FBN1: variants seen among roughly 807,000 people sequenced by gnomAD.
FBN1 encodes fibrillin 1.
In FBN1, 29 loss-of-function variants were observed where a neutral mutation model predicts 365.1. That is an observed-to-expected ratio of 0.08 (90% CI 0.06 to 0.11). The LOEUF is 0.11. Among genes scored for constraint, FBN1 ranks in the 10% least tolerant of loss-of-function variants. The probability of loss-of-function intolerance (pLI) is 1.00; values close to 1 mark genes in which losing one functional copy is unlikely to be tolerated. For missense variants in FBN1, 2,476 were observed against 3,703.2 expected, an observed-to-expected ratio of 0.67 and a Z score of 8.60; for synonymous variants, 1,210 against 1,270.5, an observed-to-expected ratio of 0.95 and a Z score of 1.01.
At chr15:48,430,214 A>C (rs1245994750) in intron 56 of FBN1, among the ~76,000 whole-genome samples, 1 of 152,218 alleles carries the variant, frequency 6.6e-6, no homozygotes, top group Non-Finnish European at 1.5e-5. Flanking sequence ...CTTTAAAAAA[A>C]TATCAGTGCC....
At chr15:48,481,515 C>T in intron 32 of FBN1, 140 bp downstream of exon 32, 1 of 967,962 alleles carries the variant, frequency 1.0e-6, no homozygotes, top group Non-Finnish European at 1.5e-6. Context: ...GAAGTGGAAG[C>T]TAAATTAATG....
At chr15:48,533,489 T>C (rs1566921452) in intron 8 of FBN1, among the ~76,000 whole-genome samples, 1 of 152,208 alleles carries the variant, frequency 6.6e-6, no homozygotes, top group Non-Finnish European at 1.5e-5. Flanking sequence ...TCTGTATATA[T>C]ATTTGTAGAA....
Position 48,470,740 on chromosome 15 carries a change from G to A in FBN1, c.4353C>T (p.Ser1451=). The A allele has an allele frequency of 6.2e-7, 1 of 1,613,976 alleles. No individual in the cohort carries two copies. Among genetic ancestry groups the A allele is most frequent in the Admixed American group, 1.7e-5 (1 of 60,004 alleles). Residue 1451 remains serine, a synonymous_variant, in exon 36 of 66, where the codon TCC becomes TCT. Transcript: ENST00000316623. ...TTCCAAAGACACAGATGTTCGGAAG[G>A]GAGCACTCATCAATATCTTGGGGGG... The part of the protein sequence containing the change: ...GKACEDIDEC[S]LPNICVFGTC...
chr15:48,520,833 C>T lies in FBN1; in HGVS notation c.989-16G>A, dbSNP rs1304235003. The T allele has an allele frequency of 6.2e-7, 1 of 1,614,072 alleles. No individual in the cohort carries two copies. Among genetic ancestry groups the T allele is most frequent in the Admixed American group, 1.7e-5 (1 of 60,030 alleles). On this transcript the variant is annotated splice_polypyrimidine_tract_variant and intron_variant, in intron 9 of 65. Coordinates refer to ENST00000316623, the MANE Select transcript of FBN1 (RefSeq NM_000138.5). ...GGGCGAACATCTGAGGACAAAGAAA[C>T]ACATACACACACACACATCGCTGAG...
chr15:48,428,412 G>A lies in FBN1; in HGVS notation c.6931C>T (p.Arg2311Cys). The part of the protein sequence containing the change: ...ICENGRCLNT[R>C]GSYTCECNDG... Reference sequence around the variant, plus strand: ...TTACACTCACAGGTGTAGCTCCCACGGGTGTTGAGGCAGCGCCCATTCTCA... The same window carrying A: ...TTACACTCACAGGTGTAGCTCCCACAGGTGTTGAGGCAGCGCCCATTCTCA... The change falls in exon 57 of 66, where the codon CGT becomes TGT. Residue 2311 changes from arginine (R) to cysteine (C), a missense_variant. Physicochemically the swap from Arg to Cys is radical, Grantham distance 180 (BLOSUM62 -3). Coordinates refer to ENST00000316623, the MANE Select transcript of FBN1 (RefSeq NM_000138.5). 1 of 1,613,978 alleles carries A rather than the reference G, an allele frequency of 6.2e-7. No individual in the cohort carries two copies. The highest frequency in any genetic ancestry group is 8.5e-7 in the Non-Finnish European group (1 of 1,179,952).
intron 6 of FBN1, among the ~76,000 whole-genome samples, chr15:48,552,317 A>G (rs2044149269): frequency 6.9e-6 from 1 of 144,782 alleles, no homozygotes; most frequent in Admixed American, 7.1e-5. Context: ...GTGTCGCCCT[A>G]GCTAGAGTTC....
intron 15 of FBN1, 54 bp downstream of exon 15, chr15:48,508,528 T>C: frequency 6.2e-7 from 1 of 1,611,798 alleles, no homozygotes; most frequent in East Asian, 2.2e-5. Context: ...CTAAACAACA[T>C]AAGGAGGAGA....
chr15:48,581,479 A>G (rs2044391870), intron 6 of FBN1, among the ~76,000 whole-genome samples: 1 of 152,008 alleles, frequency 6.6e-6, no homozygotes, highest in African/African-American at 2.4e-5. Flanking sequence ...GTGTTCTCAG[A>G]CTCCTTCAGG....
intron 6 of FBN1, among the ~76,000 whole-genome samples, chr15:48,574,559 C>T (rs565704509): frequency 6.6e-6 from 1 of 151,362 alleles, no homozygotes; most frequent in South Asian, 2.1e-4. Flanking sequence ...CTCTTACTTG[C>T]CCATTCAAAA....
At chr15:48,623,896 G>A (rs544673587) in intron 2 of FBN1, among the ~76,000 whole-genome samples, 14 of 151,804 alleles carry the variant, frequency 9.2e-5, no homozygotes, top group African/African-American at 3.4e-4. Flanking sequence ...CCCCCTTCAA[G>A]GGCATGTACA....
At position 48,494,211 on chromosome 15, in the gene FBN1, T is replaced by C. The variant is rs781062880; in HGVS notation, c.2721A>G (p.Gln907=). ...GKGYSRIKGT[Q]CEDIDECEVF... The stretch of plus-strand genomic sequence containing the variant: ...ATAAGTAATCAGAAATACCTTCACA[T>C]TGTGTTCCTTTAATTCTTGAGTACC... The change falls in exon 23 of 66, where the codon CAA becomes CAG. Residue 907 remains glutamine, a synonymous_variant. Transcript: ENST00000316623. 8 of 1,611,982 alleles carry C rather than the reference T, an allele frequency of 5.0e-6. No homozygotes were observed. In the Admixed American group the frequency reaches 8.3e-5, roughly 17 times the overall value.
At position 48,410,903 on chromosome 15, in the gene FBN1, T is replaced by A; in HGVS notation, c.*87A>T. 2.4e-6 allele frequency: 3 copies of A among 1,238,808 alleles called. No individual in the cohort carries two copies. Among genetic ancestry groups the A allele is most frequent in the South Asian group, 2.6e-5 (2 of 75,912 alleles). The allele number at this position is 1,238,808 out of a possible 1,614,324, so 76.7% of individuals were successfully genotyped here. ...TTTACTTGGTGAAAGATTGTACCTATGATATGATGATTCTGATTGGGGGAA... is the reference window on the plus strand; with the variant it reads ...TTTACTTGGTGAAAGATTGTACCTAAGATATGATGATTCTGATTGGGGGAA... On this transcript the variant is annotated 3_prime_UTR_variant, in exon 66 of 66. Coordinates refer to ENST00000316623, the MANE Select transcript of FBN1 (RefSeq NM_000138.5).
At chr15:48,624,847 G>A (rs892731937) in intron 2 of FBN1, among the ~76,000 whole-genome samples, 2 of 152,240 alleles carry the variant, frequency 1.3e-5, no homozygotes, top group Admixed American at 6.5e-5. Context: ...GAGAGAGGCC[G>A]GCCAGAGGCG....
intron 6 of FBN1, among the ~76,000 whole-genome samples, chr15:48,572,230 TA>T (rs2044311469): frequency 6.6e-6 from 1 of 152,290 alleles, no homozygotes; most frequent in African/African-American, 2.4e-5. Context: ...ATCGAAATGT[TA>T]AAAGGTCTTT....
intron 7 of FBN1, among the ~76,000 whole-genome samples, chr15:48,536,825 T>G (rs370361791): frequency 6.6e-6 from 1 of 152,236 alleles, no homozygotes; most frequent in Non-Finnish European, 1.5e-5. Flanking sequence ...CAAAGTATTA[T>G]CTATTTGCCT....
chr15:48,630,512 T>C lies in FBN1; in HGVS notation c.164+14094A>G, dbSNP rs74014654. ...TGTCAAAGTTCAATAATGTCTGGAT[T>C]AAGTTAGAACTGCTTACAAGCAAAA... On this transcript the variant is annotated intron_variant, in intron 2 of 65. Transcript: ENST00000316623. Among the ~76,000 whole-genome samples the C allele has an allele frequency of 6.7e-3, 1,020 of 152,302 alleles. 10 individuals are homozygous for C. The highest frequency in any genetic ancestry group is 0.023 in the African/African-American group (970 of 41,568).
intron 55 of FBN1, among the ~76,000 whole-genome samples, chr15:48,432,287 T>C (rs865968520): frequency 1.3e-5 from 2 of 152,212 alleles, no homozygotes; most frequent in South Asian, 2.1e-4. Flanking sequence ...ATTTAAGATA[T>C]TGACAGGAGC....
chr15:48,576,229 T>C (rs2044346406), intron 6 of FBN1, among the ~76,000 whole-genome samples: 2 of 152,240 alleles, frequency 1.3e-5, no homozygotes, highest in African/African-American at 2.4e-5. Flanking sequence ...CCTGACAACG[T>C]TGTCTTCTTC....
In FBN1 at chr15:48,415,779, A is replaced by G; in HGVS notation, c.7820-12T>C. On this transcript the variant is annotated splice_polypyrimidine_tract_variant and intron_variant, in intron 63 of 65. Transcript: ENST00000316623. ...GCATTCGTTTTCATCTGCAGGCAAAATAAGAAGCGGCATGTGTGGCAGCAG... is the reference window on the plus strand; with the variant it reads ...GCATTCGTTTTCATCTGCAGGCAAAGTAAGAAGCGGCATGTGTGGCAGCAG... The G allele has an allele frequency of 6.2e-7, 1 of 1,607,110 alleles. No individual in the cohort carries two copies. The highest frequency in any genetic ancestry group is 8.5e-7 in the Non-Finnish European group (1 of 1,173,722).
Sources: allele counts gnomAD v4.1 joint callset (sites outside exome capture counted in the v4.1 genomes callset), GRCh38; gene constraint gnomAD v4.1.1; transcripts MANE v1.5; gene names NCBI Gene and HGNC (gene_info 2026-07-23, HGNC 2026-07-21).